The following ENO4 variants were observed in gnomAD, a reference collection of about 807,000 sequenced individuals.
The protein encoded by ENO4 is enolase 4, also known as 2-phospho-D-glycerate hydro-lyase.
ENO4 carries 53 observed loss-of-function variants against 63.2 expected under a neutral mutation model. The ratio of observed to expected loss-of-function variants is 0.84; its 90% confidence interval spans 0.67 to 1.05. ENO4 has a LOEUF of 1.05. Among genes scored for constraint, ENO4 ranks in the 50% least tolerant of loss-of-function variants. ENO4 has a pLI of 0.00. For missense variants in ENO4, 719 were observed against 772.0 expected, an observed-to-expected ratio of 0.93 and a Z score of 0.81; for synonymous variants, 266 against 283.8, an observed-to-expected ratio of 0.94 and a Z score of 0.63.
chr10:116,867,542 C>T (rs948766151), intron 7 of ENO4, among the ~76,000 whole-genome samples: 16 of 152,144 alleles, frequency 1.1e-4, no homozygotes, highest in Admixed American at 9.2e-4. Flanking sequence ...TGAGACATGA[C>T]TGTGCCACTG....
In ENO4 at chr10:116,874,214, C is replaced by T; in HGVS notation, c.1341+13C>T. On this transcript the variant is annotated intron_variant, in intron 10 of 13. Coordinates refer to ENST00000341276, the MANE Select transcript of ENO4 (RefSeq NM_001242699.2). ...TTTCAGGAAGGAGGTAAGCACCCCA[C>T]CTTCCATATTTTATAACATATTTTA... 1.3e-6 allele frequency: 2 copies of T among 1,520,820 alleles called. No individual in the cohort carries two copies. The highest frequency in any genetic ancestry group is 1.8e-6 in the Non-Finnish European group (2 of 1,125,534). 94.2% of individuals were successfully genotyped at this position (1,520,820 alleles called of 1,614,324 possible).
In ENO4 at chr10:116,855,649, G is replaced by A. The variant is rs1846239323; in HGVS notation, c.192G>A (p.Lys64=). The A allele has an allele frequency of 6.5e-7, 1 of 1,536,052 alleles. No homozygotes were observed. The highest frequency in any genetic ancestry group is 1.4e-5 in the African/African-American group (1 of 72,956). Residue 64 remains lysine, a synonymous_variant, in exon 2 of 14, where the codon AAG becomes AAA. Transcript: ENST00000341276. ...CAAACTGCTTTTCTAAACTTGCAAA[G>A]CCTCCCACCATATGCAAAATAGTGG... is the stretch of plus-strand genomic sequence containing the variant. The part of the protein sequence containing the change: ...HLANCFSKLA[K]PPTICKIVGK...
chr10:116,859,288 C>CA, intron 4 of ENO4, 150 bp downstream of exon 4: 1 of 866,850 alleles, frequency 1.2e-6, no homozygotes, highest in East Asian at 2.9e-5. Context: ...CATCCTCACT[C>CA]AAAGATTTTG....
intron 10 of ENO4, among the ~76,000 whole-genome samples, chr10:116,887,867 G>T (rs1755941231): frequency 1.3e-5 from 2 of 152,140 alleles, no homozygotes; most frequent in East Asian, 3.9e-4. Flanking sequence ...GTGTGAGTAG[G>T]TCTGGATGTC....
In ENO4 at chr10:116,849,627, C is replaced by A. The variant is rs756587535; in HGVS notation, c.61C>A (p.Gln21Lys). The change falls in exon 1 of 14, where the codon CAG becomes AAG. Residue 21 changes from glutamine (Q) to lysine (K), a missense_variant. By Grantham distance (53) the Gln-to-Lys change is moderately conservative. Transcript: ENST00000341276. Reference sequence around the variant, plus strand: ...CACTAGGGAGCTGCAGAAGCTGAAGCAGCAGGCGATGGAGTACTACCGGGA... The same window carrying A: ...CACTAGGGAGCTGCAGAAGCTGAAGAAGCAGGCGATGGAGTACTACCGGGA... The part of the protein sequence containing the change: ...GTTRELQKLK[Q>K]QAMEYYREND... 1.9e-6 allele frequency: 3 copies of A among 1,550,230 alleles called. No homozygotes were observed. In the South Asian group the frequency reaches 3.6e-5, roughly 18 times the overall value.
At position 116,862,834 on chromosome 10, in the gene ENO4, C is replaced by A; in HGVS notation, c.972C>A (p.Ile324=). Residue 324 remains isoleucine (I), a synonymous_variant, in exon 7 of 14, where the codon ATC becomes ATA. Coordinates refer to ENST00000341276, the MANE Select transcript of ENO4 (RefSeq NM_001242699.2). ...TGCTTATGGAAATGCAGAAACATAT[C>A]AACAAAATAATTGAAATGGTATGTA... The part of the protein sequence containing the change: ...VEMLMEMQKH[I]NKIIEMPSPP... 1 of 1,548,612 alleles carries A rather than the reference C, an allele frequency of 6.5e-7. No homozygotes were observed. The highest frequency in any genetic ancestry group is 1.2e-5 in the South Asian group (1 of 84,002).
chr10:116,901,374 C>T (rs1847728747), intron 10 of ENO4: 1 of 985,012 alleles, frequency 1.0e-6, no homozygotes, highest in African/African-American at 1.8e-5. Context: ...AAAAACGTGC[C>T]CTTCTAAGTA....
chr10:116,886,382 T>C (rs749610771), downstream of ENO4: 1 of 1,563,454 alleles, frequency 6.4e-7, no homozygotes, highest in Non-Finnish European at 8.7e-7. Context: ...ACGTTTTCAA[T>C]GCTGTCTTCT....
rs1847023565 is a variant in ENO4 at position 116,881,797 on chromosome 10, C to G, written c.*128C>G. The G allele has an allele frequency of 1.5e-6, 1 of 682,300 alleles. No homozygotes were observed. The highest frequency in any genetic ancestry group is 4.2e-5 in the Admixed American group (1 of 23,684). The allele number at this position is 682,300 out of a possible 1,614,324, so 42.3% of individuals were successfully genotyped here. On this transcript the variant is annotated 3_prime_UTR_variant, in exon 14 of 14. Transcript: ENST00000341276. Reference sequence around the variant, plus strand: ...ACCAACTCTTGTGGTTTTTATTCTTCTAATTCCACTGTTTGGTAAATTACA... The same window carrying G: ...ACCAACTCTTGTGGTTTTTATTCTTGTAATTCCACTGTTTGGTAAATTACA...
intron 1 of ENO4, among the ~76,000 whole-genome samples, chr10:116,853,214 G>A (rs1439270994): frequency 7.0e-6 from 1 of 142,556 alleles, no homozygotes; most frequent in Non-Finnish European, 1.5e-5. Context: ...AGAATGGCGT[G>A]AACCCGGGAG....
At chr10:116,858,349 T>A (rs1305046833) in intron 3 of ENO4, among the ~76,000 whole-genome samples, 3 of 152,204 alleles carry the variant, frequency 2.0e-5, no homozygotes, top group Admixed American at 6.5e-5. Context: ...GAGTATAGAA[T>A]TCTCTGTTGA....
chr10:116,880,022 C>A, intron 13 of ENO4, 36 bp downstream of exon 13: 1 of 1,447,166 alleles, frequency 6.9e-7, no homozygotes, highest in Non-Finnish European at 9.5e-7. Context: ...TCCACTTAGC[C>A]ATGAATAAGA....
At position 116,871,297 on chromosome 10, in the gene ENO4, G is replaced by C. The variant is rs748793187; in HGVS notation, c.1215+5G>C. ...GGACATGAGCTGATGGACTACGTAA[G>C]TTTCCACTTCAGAACATTCACTTCC... On this transcript the variant is annotated splice_donor_5th_base_variant and intron_variant, in intron 9 of 13. Transcript: ENST00000341276. The C allele has an allele frequency of 6.5e-7, 1 of 1,548,346 alleles. No individual in the cohort carries two copies. Among genetic ancestry groups the C allele is most frequent in the South Asian group, 1.2e-5 (1 of 83,798 alleles).
At position 116,888,141 on chromosome 10, in the gene ENO4, G is replaced by A. The variant is rs556385090; in HGVS notation, c.1194+8155G>A. On this transcript the variant is annotated intron_variant, in intron 10 of 10. Transcript: ENST00000369207. ...GTGGTAAAAACAAAAATAATCAGGA[G>A]CCTGGGGACAGGCTGTGCTGTAGTG... Among the ~76,000 whole-genome samples, 13 of 152,278 alleles carry A rather than the reference G, an allele frequency of 8.5e-5. No homozygotes were observed. In the East Asian group the frequency reaches 2.5e-3, roughly 29 times the overall value.
At chr10:116,857,318 G>A (rs773422205) in intron 3 of ENO4, among the ~76,000 whole-genome samples, 1 of 152,060 alleles carries the variant, frequency 6.6e-6, no homozygotes, top group African/African-American at 2.4e-5. Context: ...TGCCACCTGT[G>A]AGCTCCTCAT....
intron 10 of ENO4, among the ~76,000 whole-genome samples, chr10:116,911,257 C>T (rs1212838737): frequency 1.3e-5 from 2 of 152,094 alleles, no homozygotes; most frequent in Non-Finnish European, 1.5e-5. Context: ...AGTATGCTCT[C>T]CAACTGTCAG....
chr10:116,881,637 G>A lies in ENO4; in HGVS notation c.1846G>A (p.Glu616Lys), dbSNP rs1412378160. 6.5e-7 allele frequency: 1 copy of A among 1,548,536 alleles called. No homozygotes were observed. Among genetic ancestry groups the A allele is most frequent in the African/African-American group, 1.4e-5 (1 of 72,976 alleles). The change falls in exon 14 of 14, where the codon GAA (glutamate) becomes AAA (lysine). Residue 616 changes from glutamate to lysine, a missense_variant. By Grantham distance (56) the Glu-to-Lys change is moderately conservative. This residue lies in a region of ENO4 where 168 missense variants were observed against 163.3 expected (regional missense o/e 1.03). Transcript: ENST00000341276. ...CACCTTCCCCACACAAGGTGTAGAG[G>A]AATCAGCCGAAACAGGAGCATCCTC... ...VPTFPTQGVEESAETGASSG is the reference protein window; with the variant it reads ...VPTFPTQGVEKSAETGASSG
intron 7 of ENO4, among the ~76,000 whole-genome samples, chr10:116,868,011 G>A (rs192167018): frequency 6.6e-6 from 1 of 152,280 alleles, no homozygotes; most frequent in African/African-American, 2.4e-5. Context: ...TACACGCTGA[G>A]CATCCTTTAA....
At chr10:116,855,489 T>G in intron 1 of ENO4, 134 bp from the exon 2 acceptor site, 1 of 1,095,298 alleles carries the variant, frequency 9.1e-7, no homozygotes, top group Non-Finnish European at 1.3e-6. Flanking sequence ...GGAAGAATAC[T>G]CGCGGAGAGG....
Sources: gnomAD v4.1 joint callset for allele counts (sites outside exome capture counted in the v4.1 genomes callset) on GRCh38, gnomAD v4.1.1 for gene constraint, gnomAD v4.1.1 regional missense constraint, MANE v1.5 for transcripts, NCBI Gene and HGNC (gene_info 2026-07-23, HGNC 2026-07-21) for gene names.